The following SPTBN1 variants were observed in gnomAD, a reference collection of about 807,000 sequenced individuals.
SPTBN1 encodes the protein spectrin beta, non-erythrocytic 1, also known as spectrin beta chain, non-erythrocytic 1.
Under a neutral mutation model 266.4 loss-of-function variants are expected in SPTBN1, and 32 were observed. The ratio of observed to expected loss-of-function variants is 0.12; its 90% CI spans 0.09 to 0.16. SPTBN1 has a LOEUF of 0.16. Among genes scored for constraint, SPTBN1 ranks in the 10% least tolerant of loss-of-function variants. SPTBN1 has a pLI of 1.00. For missense variants in SPTBN1, 2,296 were observed against 3,067.1 expected (o/e 0.75, Z 5.94); for synonymous variants, 1,336 against 1,162.2 (o/e 1.15, Z -3.04).
intron 2 of SPTBN1, among the ~76,000 whole-genome samples, chr2:54,564,542 ACTCCAGTCCCAGCTGCAG>A (rs1673544077): frequency 1.3e-5 from 2 of 151,966 alleles, no homozygotes; most frequent in Admixed American, 6.6e-5. Flanking sequence ...CTGGGATTTG[ACTCCAGTCCCAGCTGCAG>A]CTGCTGCCAC....
chr2:54,473,202 C>G (rs779898054), intron 1 of SPTBN1, among the ~76,000 whole-genome samples: 2 of 152,136 alleles, frequency 1.3e-5, no homozygotes, highest in Non-Finnish European at 2.9e-5. Context: ...GTGCCTTATA[C>G]AGAGATTTAT....
intron 1 of SPTBN1, among the ~76,000 whole-genome samples, chr2:54,487,214 A>G (rs1347269495): frequency 1.3e-5 from 2 of 149,004 alleles, no homozygotes; most frequent in Non-Finnish European, 3.0e-5. Flanking sequence ...TTTTTCAAAA[A>G]TCAGCACAAT....
chr2:54,583,585 C>T (rs1048096164), intron 2 of SPTBN1, among the ~76,000 whole-genome samples: 1 of 152,102 alleles, frequency 6.6e-6, no homozygotes, highest in East Asian at 1.9e-4. Context: ...GTGAATGTCA[C>T]TTTTTAAAAA....
intron 29 of SPTBN1, among the ~76,000 whole-genome samples, chr2:54,657,336 T>C (rs1680739117): frequency 6.6e-6 from 1 of 152,088 alleles, no homozygotes; most frequent in South Asian, 2.1e-4. Context: ...TACGTGTAGA[T>C]TGTGAATTCC....
intron 2 of SPTBN1, among the ~76,000 whole-genome samples, chr2:54,565,060 G>A (rs969858250): frequency 6.6e-6 from 1 of 152,020 alleles, no homozygotes; most frequent in African/African-American, 2.4e-5. Context: ...GAATTGGCTA[G>A]AAATGTAAAA....
chr2:54,512,836 T>TAG lies in SPTBN1; in HGVS notation c.-47-13536_-47-13535insAG, dbSNP rs980139647. Among the ~76,000 whole-genome samples the TAG allele has an allele frequency of 3.2e-4, 48 of 152,336 alleles. 1 individual carries two copies. Among genetic ancestry groups the TAG allele is most frequent in the African/African-American group, 1.0e-3 (43 of 41,582 alleles). On this transcript the variant is annotated intron_variant, in intron 1 of 35. Coordinates refer to ENST00000356805, the MANE Select transcript of SPTBN1 (RefSeq NM_003128.3). ...GCAATACAGCTCCTACCATCTGTGT[T>TAG]GCATTTCACAATTGTTTTTGAGCAC...
intron 2 of SPTBN1, among the ~76,000 whole-genome samples, chr2:54,580,097 G>A (rs1674782522): frequency 1.3e-5 from 2 of 152,212 alleles, no homozygotes; most frequent in Admixed American, 6.5e-5. Context: ...ACAGCCTCTG[G>A]CCCCACTGGA....
chr2:54,472,472 C>G (rs1693978724), intron 1 of SPTBN1, among the ~76,000 whole-genome samples: 1 of 152,176 alleles, frequency 6.6e-6, no homozygotes, highest in South Asian at 2.1e-4. Flanking sequence ...AGCTGATTCA[C>G]TTTTAGACTT....
chr2:54,594,095 CTGGGATTATAGG>C (rs1573489005), intron 2 of SPTBN1, among the ~76,000 whole-genome samples: 1 of 152,032 alleles, frequency 6.6e-6, no homozygotes, highest in East Asian at 1.9e-4. Flanking sequence ...CCTCCCAAAG[CTGGGATTATAGG>C]TGTGAGCCAC....
At chr2:54,548,280 G>A (rs1269383690) in intron 2 of SPTBN1, among the ~76,000 whole-genome samples, 1 of 152,174 alleles carries the variant, frequency 6.6e-6, no homozygotes, top group Non-Finnish European at 1.5e-5. Flanking sequence ...CTGAGAAAAA[G>A]GATTTTTAAA....
chr2:54,530,732 A>G (rs1457490668), intron 2 of SPTBN1, among the ~76,000 whole-genome samples: 2 of 152,202 alleles, frequency 1.3e-5, no homozygotes, highest in Non-Finnish European at 2.9e-5. Context: ...TTTTAATTCA[A>G]TGCAGTATAA....
intron 1 of SPTBN1, among the ~76,000 whole-genome samples, chr2:54,523,296 C>A (rs914304993): frequency 6.6e-6 from 1 of 152,164 alleles, no homozygotes. Flanking sequence ...CGTGAATGTA[C>A]TTAATTGAGA....
intron 2 of SPTBN1, among the ~76,000 whole-genome samples, chr2:54,585,488 A>G (rs896883424): frequency 3.3e-5 from 5 of 152,238 alleles, no homozygotes; most frequent in African/African-American, 1.2e-4. Flanking sequence ...AAAACTCTGT[A>G]GTATTTGGCT....
At chr2:54,622,092 C>T (rs933460275) in intron 8 of SPTBN1, among the ~76,000 whole-genome samples, 2 of 152,136 alleles carry the variant, frequency 1.3e-5, no homozygotes, top group Non-Finnish European at 2.9e-5. Flanking sequence ...TGTCATTGCT[C>T]ACAAATAATA....
At chr2:54,635,540 T>C (rs1167287554) in intron 17 of SPTBN1, among the ~76,000 whole-genome samples, 1 of 152,280 alleles carries the variant, frequency 6.6e-6, no homozygotes. Flanking sequence ...GAGTTGATTA[T>C]ATAAGAAATA....
At chr2:54,639,296 G>A (rs1011416967) in intron 18 of SPTBN1, among the ~76,000 whole-genome samples, 4 of 152,210 alleles carry the variant, frequency 2.6e-5, no homozygotes, top group South Asian at 4.1e-4. Context: ...GGGATGAAGA[G>A]GTGTTTGTAG....
intron 1 of SPTBN1, among the ~76,000 whole-genome samples, chr2:54,519,997 C>T (rs1236385720): frequency 1.3e-5 from 2 of 151,916 alleles, no homozygotes; most frequent in African/African-American, 2.4e-5. Flanking sequence ...GTTCGGTGTT[C>T]GACAGGCGGA....
At chr2:54,475,506 G>T (rs954244135) in intron 1 of SPTBN1, among the ~76,000 whole-genome samples, 2 of 152,056 alleles carry the variant, frequency 1.3e-5, no homozygotes, top group Admixed American at 1.3e-4. Context: ...TGGCATGTTG[G>T]ACTAGTTCTG....
rs1402619248 is a variant in SPTBN1 at position 54,646,852 on chromosome 2, C to T, written c.4867-279C>T. ...CATACTTGAGGGACCTTGAGGAATTCCAGCGAACCAGGCACACTTGGTCTG... is the reference window on the plus strand; with the variant it reads ...CATACTTGAGGGACCTTGAGGAATTTCAGCGAACCAGGCACACTTGGTCTG... On this transcript the variant is annotated intron_variant, in intron 23 of 35. Transcript: ENST00000356805. The surrounding 1 kb of genome is among the most constrained non-coding windows in gnomAD (Gnocchi z 4.4). 6.6e-6 allele frequency among the ~76,000 whole-genome samples: 1 copy of T among 152,188 alleles called. No homozygotes were observed.
Sources: allele counts gnomAD v4.1 joint callset (sites outside exome capture counted in the v4.1 genomes callset), GRCh38; gene constraint gnomAD v4.1.1; non-coding constraint Gnocchi (gnomAD v3.1); transcripts MANE v1.5; gene names NCBI Gene and HGNC (gene_info 2026-07-23, HGNC 2026-07-21).